GPC6: variants seen among roughly 807,000 people sequenced by gnomAD.
The protein encoded by GPC6 is glypican-6.
In GPC6, 14 loss-of-function variants were observed where a neutral mutation model predicts 55.2. That is an observed-to-expected ratio of 0.25 (90% CI 0.17 to 0.40). The LOEUF (loss-of-function observed/expected upper bound fraction) is 0.40, where lower values mean the gene tolerates loss of function less well. GPC6 is among the 10% of genes least tolerant of loss of function. The pLI is 1.00. For synonymous variants in GPC6, 278 were observed against 259.6 expected, an observed-to-expected ratio of 1.07 and a Z score of -0.68; for missense variants, 641 against 708.5, an observed-to-expected ratio of 0.90 and a Z score of 1.08.
chr13:93,523,509 TTGTGTG>T (rs146065094), intron 1 of GPC6, among the ~76,000 whole-genome samples: 1 of 150,598 alleles, frequency 6.6e-6, no homozygotes, highest in Admixed American at 6.6e-5. Context: ...ATATACATAT[TTGTGTG>T]TGTGTGTGTG....
intron 1 of GPC6, among the ~76,000 whole-genome samples, chr13:93,232,962 TC>T (rs1175308623): frequency 2.0e-5 from 3 of 152,200 alleles, no homozygotes; most frequent in Non-Finnish European, 4.4e-5. Context: ...TTCACATCTT[TC>T]AAATTACTTC....
At chr13:94,081,188 C>T (rs1448492520) in intron 4 of GPC6, among the ~76,000 whole-genome samples, 1 of 152,136 alleles carries the variant, frequency 6.6e-6, no homozygotes, top group Non-Finnish European at 1.5e-5. Context: ...TAAAGAAATA[C>T]CTCCAACTTC....
At chr13:93,907,947 C>A (rs9561466) in intron 3 of GPC6, among the ~76,000 whole-genome samples, 37,670 of 152,038 alleles carry the variant, frequency 0.25, 5,260 homozygotes, top group East Asian at 0.34. Flanking sequence ...ATTGGTATGA[C>A]AGGAATTCCT....
At chr13:93,977,584 A>T (rs1324272205) in intron 3 of GPC6, among the ~76,000 whole-genome samples, 6 of 151,152 alleles carry the variant, frequency 4.0e-5, no homozygotes, top group Non-Finnish European at 7.4e-5. Flanking sequence ...TCATAACAGA[A>T]CTTGTTGGAG....
chr13:94,101,724 C>G (rs1223627235), intron 4 of GPC6, among the ~76,000 whole-genome samples: 1 of 151,812 alleles, frequency 6.6e-6, no homozygotes, highest in Admixed American at 6.6e-5. Context: ...ATCCTGGATT[C>G]TTCTCTATGC....
At chr13:93,552,635 T>G (rs893233480) in intron 2 of GPC6, among the ~76,000 whole-genome samples, 1 of 152,172 alleles carries the variant, frequency 6.6e-6, no homozygotes, top group Non-Finnish European at 1.5e-5. Context: ...CAAAGTAACT[T>G]GAAATACATT....
chr13:94,057,018 A>G (rs1222704796), intron 4 of GPC6, among the ~76,000 whole-genome samples: 4 of 152,196 alleles, frequency 2.6e-5, no homozygotes, highest in African/African-American at 7.2e-5. Flanking sequence ...CATCCATGGC[A>G]TGGTTTATTG....
intron 2 of GPC6, among the ~76,000 whole-genome samples, chr13:93,762,228 G>C (rs1026365471): frequency 1.9e-4 from 29 of 152,142 alleles, no homozygotes; most frequent in African/African-American, 7.0e-4. Context: ...TATTATCATG[G>C]TGGCCAAACA....
At chr13:94,325,777 AGAGCTCTTTGGTTTAC>A (rs1877084260) in intron 6 of GPC6, among the ~76,000 whole-genome samples, 1 of 152,310 alleles carries the variant, frequency 6.6e-6, no homozygotes, top group Admixed American at 6.5e-5. Context: ...TGTGACCCGA[AGAGCTCTTTGGTTTAC>A]CATGTTTGGC....
At position 94,172,233 on chromosome 13, in the gene GPC6, CT is replaced by C. The variant is rs924426058; in HGVS notation, c.878-114106del. ...AAAACAAGTAAGATATCACTGAAAT[CT>C]TTTTTTTTTCCCAAATAAAAATGCG... On this transcript the variant is annotated intron_variant, in intron 4 of 8. Transcript: ENST00000377047. Among the ~76,000 whole-genome samples the C allele has an allele frequency of 7.0e-4, 105 of 149,106 alleles. 1 individual carries two copies. Among genetic ancestry groups the C allele is most frequent in the African/African-American group, 1.5e-3 (63 of 40,670 alleles).
At chr13:93,340,194 C>T (rs1880203346) in intron 1 of GPC6, among the ~76,000 whole-genome samples, 1 of 151,814 alleles carries the variant, frequency 6.6e-6, no homozygotes, top group African/African-American at 2.4e-5. Flanking sequence ...GCCACCATGC[C>T]CGGCTAATTT....
chr13:93,772,732 C>T (rs1885342343), intron 2 of GPC6, among the ~76,000 whole-genome samples: 1 of 151,944 alleles, frequency 6.6e-6, no homozygotes, highest in Non-Finnish European at 1.5e-5. Flanking sequence ...AATGTTGGTC[C>T]TGCACAGGGT....
chr13:93,661,988 C>T (rs1388091649), intron 2 of GPC6, among the ~76,000 whole-genome samples: 1 of 152,074 alleles, frequency 6.6e-6, no homozygotes, highest in Non-Finnish European at 1.5e-5. Context: ...CTTTGCTTTG[C>T]CCTAAAAACT....
chr13:93,520,503 A>C (rs2590540), intron 1 of GPC6, among the ~76,000 whole-genome samples: 7 of 151,756 alleles, frequency 4.6e-5, no homozygotes, highest in Non-Finnish European at 8.8e-5. Flanking sequence ...TAAAGGAATC[A>C]GTAAGTATCC....
intron 1 of GPC6, among the ~76,000 whole-genome samples, chr13:93,415,076 G>T (rs1566344555): frequency 6.6e-6 from 1 of 152,112 alleles, no homozygotes; most frequent in Non-Finnish European, 1.5e-5. Context: ...TGGTAGAATG[G>T]TTACCATGAC....
At chr13:93,626,344 C>T (rs1251785550) in intron 2 of GPC6, among the ~76,000 whole-genome samples, 1 of 152,190 alleles carries the variant, frequency 6.6e-6, no homozygotes, top group Non-Finnish European at 1.5e-5. Flanking sequence ...CCATGTGTTC[C>T]TGCACAAGGT....
intron 6 of GPC6, 141 bp downstream of exon 6, chr13:94,306,264 T>A: frequency 1.2e-6 from 1 of 814,498 alleles, no homozygotes; most frequent in Non-Finnish European, 2.1e-6. Context: ...ATTAGAATAT[T>A]GAAAAGTAAT....
chr13:93,283,724 T>C (rs1029899164), intron 1 of GPC6, among the ~76,000 whole-genome samples: 1 of 152,212 alleles, frequency 6.6e-6, no homozygotes, highest in African/African-American at 2.4e-5. Context: ...CTGCAAGTAA[T>C]ACAAAAAGTT....
chr13:93,480,882 A>T (rs1424709555), intron 1 of GPC6, among the ~76,000 whole-genome samples: 1 of 152,156 alleles, frequency 6.6e-6, no homozygotes, highest in Non-Finnish European at 1.5e-5. Context: ...CTCTTTGCAT[A>T]TTATGACTAA....
Sources: gnomAD v4.1 joint callset for allele counts (sites outside exome capture counted in the v4.1 genomes callset) on GRCh38, gnomAD v4.1.1 for gene constraint, MANE v1.5 for transcripts, NCBI Gene and HGNC (gene_info 2026-07-23, HGNC 2026-07-21) for gene names.